The following BLVRA variants were observed in gnomAD, a reference collection of about 807,000 sequenced individuals.
BLVRA encodes the protein biliverdin reductase A, also known as BVR A.
In BLVRA, 22 loss-of-function variants were observed where a neutral mutation model predicts 32.8. The observed-to-expected ratio is 0.67, with a 90% confidence interval of 0.48 to 0.96. The LOEUF (loss-of-function observed/expected upper bound fraction) is 0.96. BLVRA is among the 40% of genes least tolerant of loss of function. The pLI, the probability that BLVRA is intolerant of heterozygous loss-of-function variation, is 0.00. For missense variants in BLVRA, 323 were observed against 358.1 expected (o/e 0.90, Z 0.79); for synonymous variants, 119 against 141.3 (o/e 0.84, Z 1.12).
chr7:43,802,694 T>C (rs535839712), intron 6 of BLVRA, among the ~76,000 whole-genome samples: 84 of 152,032 alleles, frequency 5.5e-4, no homozygotes, highest in African/African-American at 1.8e-3. Flanking sequence ...AGAGACAGAG[T>C]CTTGCTATGT....
chr7:43,784,383 C>T (rs764566374), intron 2 of BLVRA, among the ~76,000 whole-genome samples: 8 of 152,110 alleles, frequency 5.3e-5, no homozygotes, highest in Middle Eastern at 3.2e-3. Flanking sequence ...TTTCCTCTGC[C>T]TCCTACTGGT....
chr7:43,762,574 T>A (rs1052353745), intron 1 of BLVRA, among the ~76,000 whole-genome samples: 1 of 150,362 alleles, frequency 6.7e-6, no homozygotes, highest in East Asian at 2.0e-4. Context: ...TTGTCAGCAA[T>A]AATTTAGTGA....
intron 3 of BLVRA, among the ~76,000 whole-genome samples, chr7:43,790,321 G>C (rs934520669): frequency 3.3e-5 from 5 of 152,056 alleles, no homozygotes; most frequent in Non-Finnish European, 5.9e-5. Context: ...TCTGCTCCTG[G>C]TTAGTCAAGG....
chr7:43,779,100 C>T (rs1051620004), intron 2 of BLVRA, among the ~76,000 whole-genome samples: 8 of 152,246 alleles, frequency 5.3e-5, no homozygotes, highest in East Asian at 1.9e-4. Context: ...TGACCCCTTG[C>T]GCTTCCCGAG....
At position 43,807,095 on chromosome 7, in the gene BLVRA, T is replaced by C; in HGVS notation, c.751T>C (p.Phe251Leu). The change falls in exon 8 of 8, where the codon TTT becomes CTT. Residue 251 changes from phenylalanine to leucine, a missense_variant. By Grantham distance (22) the Phe-to-Leu change is conservative. Coordinates refer to ENST00000265523, the MANE Select transcript of BLVRA (RefSeq NM_000712.4). ...AAATGTAGGAGTGAATAAGAACATA[T>C]TTCTGAAAGATCAAAATATATTTGT... is the stretch of plus-strand genomic sequence containing the variant. The part of the protein sequence containing the change: ...VPNVGVNKNI[F>L]LKDQNIFVQK... 2 of 1,614,250 alleles carry C rather than the reference T, an allele frequency of 1.2e-6. No individual in the cohort carries two copies. The highest frequency in any genetic ancestry group is 1.7e-6 in the Non-Finnish European group (2 of 1,180,048).
intron 1 of BLVRA, among the ~76,000 whole-genome samples, chr7:43,765,308 G>A (rs1405519602): frequency 6.6e-6 from 1 of 152,188 alleles, no homozygotes; most frequent in Non-Finnish European, 1.5e-5. Flanking sequence ...CTGGAGTGCA[G>A]TGGTGTGATC....
chr7:43,772,137 T>A (rs1343410250), intron 2 of BLVRA, among the ~76,000 whole-genome samples: 1 of 152,220 alleles, frequency 6.6e-6, no homozygotes, highest in Non-Finnish European at 1.5e-5. Flanking sequence ...AGGGCAGGCT[T>A]CAGGGCTGGT....
chr7:43,805,503 G>A (rs2095803199), intron 7 of BLVRA, among the ~76,000 whole-genome samples: 1 of 151,902 alleles, frequency 6.6e-6, no homozygotes, highest in Admixed American at 6.6e-5. Context: ...GGATGGTCTT[G>A]AACTCCTGAC....
chr7:43,763,833 T>C (rs900135420), intron 1 of BLVRA, among the ~76,000 whole-genome samples: 1 of 152,236 alleles, frequency 6.6e-6, no homozygotes, highest in African/African-American at 2.4e-5. Context: ...GTTTCTCTTT[T>C]ACAAACTCAG....
At chr7:43,760,599 T>C (rs1482962600) in intron 1 of BLVRA, among the ~76,000 whole-genome samples, 1 of 152,186 alleles carries the variant, frequency 6.6e-6, no homozygotes, top group African/African-American at 2.4e-5. Context: ...CCATGTATTT[T>C]GGAATTTGAA....
At chr7:43,779,680 T>A (rs2095766440) in intron 2 of BLVRA, among the ~76,000 whole-genome samples, 1 of 152,122 alleles carries the variant, frequency 6.6e-6, no homozygotes, top group Non-Finnish European at 1.5e-5. Context: ...ATTCTTAGGA[T>A]CTTTTAAGTT....
intron 2 of BLVRA, among the ~76,000 whole-genome samples, chr7:43,786,191 G>A (rs993802352): frequency 2.0e-5 from 3 of 152,074 alleles, no homozygotes; most frequent in African/African-American, 7.2e-5. Context: ...AAAGGTTGGG[G>A]AAAAAATGTA....
At chr7:43,781,142 CA>C (rs1374000641) in intron 2 of BLVRA, among the ~76,000 whole-genome samples, 1,363 of 98,864 alleles carry the variant, frequency 0.014, 9 homozygotes, top group African/African-American at 0.039. Context: ...GACTCTGCCT[CA>C]AAAAAAAAAA....
chr7:43,767,278 C>A (rs1052206022), intron 1 of BLVRA: 2 of 1,018,698 alleles, frequency 2.0e-6, no homozygotes, highest in Non-Finnish European at 3.0e-6. Context: ...CCTGTGCCAG[C>A]ACAACTACAC....
intron 1 of BLVRA, among the ~76,000 whole-genome samples, chr7:43,769,532 T>C (rs1200463660): frequency 6.6e-6 from 1 of 151,854 alleles, no homozygotes; most frequent in Admixed American, 6.6e-5. Flanking sequence ...GGTTGGGTCA[T>C]GAGACCCACT....
chr7:43,801,007 TTCTTACTCTGTTGCCCAGG>T (rs1001733584), intron 6 of BLVRA, among the ~76,000 whole-genome samples: 3 of 152,176 alleles, frequency 2.0e-5, no homozygotes, highest in East Asian at 3.9e-4. Context: ...ACTTATTCTG[TTCTTACTCTGTTGCCCAGG>T]TCTTACTCTG....
chr7:43,761,319 G>T (rs1370480272), intron 1 of BLVRA, among the ~76,000 whole-genome samples: 1 of 152,104 alleles, frequency 6.6e-6, no homozygotes. Context: ...ATAAGTACAA[G>T]AAACTATTCC....
intron 5 of BLVRA, among the ~76,000 whole-genome samples, chr7:43,793,056 G>A (rs537202987): frequency 6.6e-6 from 1 of 152,310 alleles, no homozygotes; most frequent in East Asian, 1.9e-4. Context: ...GAAAAAATAT[G>A]AATTAGTTTT....
At chr7:43,799,997 C>T (rs1350184652) in intron 5 of BLVRA, among the ~76,000 whole-genome samples, 1 of 152,124 alleles carries the variant, frequency 6.6e-6, no homozygotes, top group South Asian at 2.1e-4. Flanking sequence ...ACTCTGTCGC[C>T]CAGGCTGGAG....
Sources: allele counts gnomAD v4.1 joint callset (sites outside exome capture counted in the v4.1 genomes callset), GRCh38; gene constraint gnomAD v4.1.1; transcripts MANE v1.5; gene names NCBI Gene and HGNC (gene_info 2026-07-23, HGNC 2026-07-21).